MYH15: variants seen among roughly 807,000 people sequenced by gnomAD.
MYH15 encodes the protein myosin-15.
A neutral mutation model predicts 240.5 loss-of-function variants in MYH15; 227 were observed. That is an observed-to-expected ratio of 0.94 (90% CI 0.85 to 1.05). MYH15 has a LOEUF of 1.05. MYH15 is among the 50% of genes least tolerant of loss of function. The pLI, the probability that MYH15 is intolerant of heterozygous loss-of-function variation, is 0.00. For missense variants in MYH15, 2,217 were observed against 2,247.5 expected (o/e 0.99, Z 0.27); for synonymous variants, 785 against 796.7 (o/e 0.99, Z 0.25).
At chr3:108,487,499 A>T (rs1408770862) in intron 9 of MYH15, among the ~76,000 whole-genome samples, 1 of 152,242 alleles carries the variant, frequency 6.6e-6, no homozygotes, top group African/African-American at 2.4e-5. Flanking sequence ...CAAAATAATT[A>T]TGCTGGGTAA....
At chr3:108,457,670 T>C (rs1370030999) in intron 18 of MYH15, among the ~76,000 whole-genome samples, 1 of 150,712 alleles carries the variant, frequency 6.6e-6, no homozygotes, top group East Asian at 1.9e-4. Context: ...GTCACAGAAA[T>C]AAACTTAAAT....
rs200741935 is a variant in MYH15 at position 108,405,441 on chromosome 3, G to T, written c.4633C>A (p.Arg1545Ser). ...TLEETEGALE[R>S]NESKILHFQL... Reference sequence around the variant, plus strand: ...AAATGAAGAATCTTGCTTTCATTACGTTCCAGGGCTCCCTGGAATACATAA... The same window carrying T: ...AAATGAAGAATCTTGCTTTCATTACTTTCCAGGGCTCCCTGGAATACATAA... The change falls in exon 33 of 41, where the codon CGT becomes AGT. Residue 1545 changes from arginine (R) to serine (S), a missense_variant. By Grantham distance (110) the Arg-to-Ser change is moderately radical. Coordinates refer to ENST00000693548, the MANE Select transcript of MYH15 (RefSeq NM_014981.3). The T allele has an allele frequency of 7.7e-5, 117 of 1,511,512 alleles. 1 individual carries two copies. Among genetic ancestry groups the T allele is most frequent in the Non-Finnish European group, 9.9e-5 (110 of 1,112,982 alleles). 93.6% of individuals were successfully genotyped at this position (1,511,512 alleles called of 1,614,324 possible).
intron 1 of MYH15, among the ~76,000 whole-genome samples, chr3:108,509,277 T>C (rs1034769996): frequency 6.6e-6 from 1 of 152,224 alleles, no homozygotes; most frequent in African/African-American, 2.4e-5. Flanking sequence ...TAAGTAATTA[T>C]TTATGGTGCT....
the MYH15 span, among the ~76,000 whole-genome samples, chr3:108,542,881 CTTT>C: frequency 3.0e-5 from 4 of 133,182 alleles, no homozygotes; most frequent in Admixed American, 7.7e-5. Flanking sequence ...GATCTCGTTC[CTTT>C]TTTTTTTTTT....
intron 33 of MYH15, among the ~76,000 whole-genome samples, chr3:108,404,155 T>C (rs925770490): frequency 2.6e-5 from 4 of 152,072 alleles, no homozygotes; most frequent in South Asian, 2.1e-4. Flanking sequence ...GTCAGTCCTG[T>C]AGAAGAAAAT....
chr3:108,536,223 C>G, the MYH15 span, among the ~76,000 whole-genome samples: 1 of 152,132 alleles, frequency 6.6e-6, no homozygotes, highest in Admixed American at 6.5e-5. Context: ...CAAGATTGTG[C>G]TACTGAACTC....
chr3:108,499,529 A>G (rs1401538472), intron 4 of MYH15, 47 bp from the exon 5 acceptor site: 2 of 1,568,730 alleles, frequency 1.3e-6, no homozygotes, highest in South Asian at 2.3e-5. Context: ...TTCGATATTT[A>G]TGTATTAGTA....
At position 108,470,595 on chromosome 3, in the gene MYH15, T is replaced by A. The variant is rs538241183; in HGVS notation, c.1383+103A>T. Reference sequence around the variant, plus strand: ...AACAAGGTAGCCCTTAAGGTTTGCATAGAATGATCCCCATGCTTTGACCAT... The same window carrying A: ...AACAAGGTAGCCCTTAAGGTTTGCAAAGAATGATCCCCATGCTTTGACCAT... On this transcript the variant is annotated intron_variant, in intron 13 of 40. Transcript: ENST00000693548. 2.4e-6 allele frequency: 3 copies of A among 1,239,808 alleles called. No individual in the cohort carries two copies. In the African/African-American group the frequency reaches 4.5e-5, roughly 19 times the overall value. The allele number at this position is 1,239,808 out of a possible 1,614,324, so 76.8% of individuals were successfully genotyped here. A position where few individuals can be genotyped will look rare whatever the true frequency, so the allele number is the denominator to read the frequency against.
chr3:108,474,546 A>G (rs959600569), intron 12 of MYH15, among the ~76,000 whole-genome samples: 9 of 151,414 alleles, frequency 5.9e-5, no homozygotes, highest in African/African-American at 2.2e-4. Context: ...GTACAGAATG[A>G]TATTTTGATA....
the MYH15 span, among the ~76,000 whole-genome samples, chr3:108,539,747 G>C: frequency 2.0e-5 from 3 of 152,006 alleles, no homozygotes; most frequent in East Asian, 5.8e-4. Context: ...ATTTAGAGTA[G>C]AGATAATATT....
At chr3:108,487,466 C>T (rs150178531) in intron 9 of MYH15, among the ~76,000 whole-genome samples, 34 of 152,272 alleles carry the variant, frequency 2.2e-4, no homozygotes, top group Middle Eastern at 6.8e-3. Context: ...GCTATAAATA[C>T]GTGCTAGAAC....
At chr3:108,449,278 T>A (rs1176017082) in intron 21 of MYH15, among the ~76,000 whole-genome samples, 1 of 151,842 alleles carries the variant, frequency 6.6e-6, no homozygotes, top group Non-Finnish European at 1.5e-5. Context: ...ACAAAAGACC[T>A]CAAATAGCCA....
Position 108,491,161 on chromosome 3 carries a change from T to C in MYH15, c.871+1339A>G, listed in dbSNP as rs1291739306. ...CCTCAGTCTCCCAAAGTGCTGGGATTACAGGTAGGAGTCACCACGCCCAGC... is the reference window on the plus strand; with the variant it reads ...CCTCAGTCTCCCAAAGTGCTGGGATCACAGGTAGGAGTCACCACGCCCAGC... On this transcript the variant is annotated intron_variant, in intron 9 of 40. Transcript: ENST00000693548. 3.9e-5 allele frequency among the ~76,000 whole-genome samples: 6 copies of C among 152,172 alleles called. No individual in the cohort carries two copies. The East Asian group carries it at 1.2e-3, about 29-fold the overall frequency.
Position 108,402,322 on chromosome 3 carries a change from A to G in MYH15, c.4736+3016T>C, listed in dbSNP as rs149222832. 2.4e-3 allele frequency among the ~76,000 whole-genome samples: 367 copies of G among 152,372 alleles called. 3 individuals carry two copies. Among genetic ancestry groups the G allele is most frequent in the African/African-American group, 8.5e-3 (354 of 41,592 alleles). On this transcript the variant is annotated intron_variant, in intron 33 of 40. Transcript: ENST00000693548. ...CCAAGTCAGATGGTGTATATAAATT[A>G]AGACCACGTGGCAAAGTTTGACATG...
chr3:108,476,051 G>C (rs2083217708), intron 12 of MYH15, among the ~76,000 whole-genome samples: 1 of 152,170 alleles, frequency 6.6e-6, no homozygotes, highest in African/African-American at 2.4e-5. Flanking sequence ...CGTGAAGCAT[G>C]CCAATTTGCC....
At chr3:108,386,395 G>T (rs1324404930) in intron 38 of MYH15, among the ~76,000 whole-genome samples, 1 of 152,126 alleles carries the variant, frequency 6.6e-6, no homozygotes, top group Non-Finnish European at 1.5e-5. Flanking sequence ...ACATTCAGCT[G>T]TGAGAAGTGC....
At chr3:108,448,839 G>C (rs2082949900) in intron 21 of MYH15, among the ~76,000 whole-genome samples, 1 of 151,498 alleles carries the variant, frequency 6.6e-6, no homozygotes, top group Non-Finnish European at 1.5e-5. Context: ...TAGAAACAAA[G>C]AAGTTAAAGT....
rs1560390077 is a variant in MYH15, at chr3:108,460,378, A to AC, written c.1865-12_1865-11insG. On this transcript the variant is annotated splice_polypyrimidine_tract_variant and intron_variant, in intron 16 of 40. Transcript: ENST00000693548. ...CCCCAAATGGTATAGCTAGCAAAAA[A>AC]AAAAAAAGAAAAAGATGAAAACATG... 6.4e-7 allele frequency: 1 copy of AC among 1,569,572 alleles called. No individual in the cohort carries two copies. Among genetic ancestry groups the AC allele is most frequent in the South Asian group, 1.2e-5 (1 of 82,220 alleles).
intron 17 of MYH15, among the ~76,000 whole-genome samples, chr3:108,459,937 C>A (rs184563001): frequency 3.3e-5 from 5 of 152,178 alleles, no homozygotes; most frequent in Admixed American, 1.3e-4. Flanking sequence ...GCTGTAAACA[C>A]GAATGCACCA....
Sources: gnomAD v4.1 joint callset for allele counts (sites outside exome capture counted in the v4.1 genomes callset) on GRCh38, gnomAD v4.1.1 for gene constraint, MANE v1.5 for transcripts, NCBI Gene and HGNC (gene_info 2026-07-23, HGNC 2026-07-21) for gene names.